The following IGF1R variants were observed in gnomAD, a reference collection of about 807,000 sequenced individuals.
The protein encoded by IGF1R is insulin-like growth factor 1 receptor.
A neutral mutation model predicts 144.6 loss-of-function variants in IGF1R; 44 were observed. The ratio of observed to expected loss-of-function variants is 0.30; its 90% confidence interval spans 0.24 to 0.39. The LOEUF is 0.39. Among genes scored for constraint, IGF1R ranks in the 10% least tolerant of loss-of-function variants. The probability of loss-of-function intolerance (pLI) is 1.00; values close to 1 mark genes in which losing one functional copy is unlikely to be tolerated. For missense variants in IGF1R, 1,355 were observed against 1,833.7 expected (o/e 0.74, Z 4.77); for synonymous variants, 795 against 722.8 (o/e 1.10, Z -1.60).
intron 4 of IGF1R, chr15:98,897,430 A>G (rs142492151): frequency 6.0e-6 from 1 of 167,672 alleles, no homozygotes; most frequent in East Asian, 1.7e-4. Context: ...CATTGTGTAC[A>G]TAAAGTTTCG....
In IGF1R at chr15:98,964,146, C is replaced by T; in HGVS notation, c.*6704C>T. On this transcript the variant is annotated 3_prime_UTR_variant, in exon 21 of 21. Transcript: ENST00000650285. ...TTGTCTGGGATAAAAAAAATCAAAC[C>T]AGAAGGCGGGATGGAATGGATGCAC... 1 of 232,590 alleles carries T rather than the reference C, an allele frequency of 4.3e-6. No individual in the cohort carries two copies. The highest frequency in any genetic ancestry group is 8.5e-6 in the Non-Finnish European group (1 of 117,596). The allele number at this position is 232,590 out of a possible 1,614,324, so 14.4% of individuals were successfully genotyped here. A position where few individuals can be genotyped will look rare whatever the true frequency, so the allele number is the denominator to read the frequency against.
intron 2 of IGF1R, among the ~76,000 whole-genome samples, chr15:98,862,064 G>A (rs1395715425): frequency 6.6e-6 from 1 of 152,140 alleles, no homozygotes; most frequent in Non-Finnish European, 1.5e-5. Context: ...TCTTTTTATT[G>A]CCTTCCCTAC....
intron 18 of IGF1R, among the ~76,000 whole-genome samples, chr15:98,942,005 G>A (rs1035776276): frequency 1.3e-5 from 2 of 152,192 alleles, no homozygotes; most frequent in African/African-American, 4.8e-5. Context: ...CATGGAAAAT[G>A]GAAGAAATTT....
At chr15:98,954,658 CAG>C (rs2016909029) in intron 20 of IGF1R, among the ~76,000 whole-genome samples, 1 of 152,166 alleles carries the variant, frequency 6.6e-6, no homozygotes, top group Non-Finnish European at 1.5e-5. Flanking sequence ...TCCCTGGCCA[CAG>C]GGCACAGAGC....
chr15:98,820,631 C>T (rs1567145346), intron 2 of IGF1R, among the ~76,000 whole-genome samples: 1 of 152,188 alleles, frequency 6.6e-6, no homozygotes, highest in Non-Finnish European at 1.5e-5. Context: ...TACTTAAATA[C>T]CTACAGCCTT....
chr15:98,914,029 A>G (rs2015134365), intron 8 of IGF1R, among the ~76,000 whole-genome samples: 1 of 152,262 alleles, frequency 6.6e-6, no homozygotes, highest in Non-Finnish European at 1.5e-5. Flanking sequence ...CACAAAGTGC[A>G]AGATCAAGGC....
In IGF1R at chr15:98,704,297, T is replaced by C. The variant is rs2053808336; in HGVS notation, c.95-3265T>C. Among the ~76,000 whole-genome samples the C allele has an allele frequency of 6.6e-6, 1 of 152,060 alleles. No homozygotes were observed. On this transcript the variant is annotated intron_variant, in intron 1 of 20. Coordinates refer to ENST00000650285, the MANE Select transcript of IGF1R (RefSeq NM_000875.5). The surrounding 1 kb of genome is among the most constrained non-coding windows in gnomAD (Gnocchi z 4.9). ...GGACAGTTGGGGGAATAGTTGAAGC[T>C]AAGGTGTTTAGGCAGAGCTCTGAGG...
chr15:98,801,107 C>T (rs1236386569), intron 2 of IGF1R, among the ~76,000 whole-genome samples: 2 of 152,132 alleles, frequency 1.3e-5, no homozygotes, highest in Admixed American at 6.5e-5. Flanking sequence ...GCTTACTTCT[C>T]CCTCCCAGCA....
At chr15:98,945,367 A>C (rs935450181) in intron 19 of IGF1R, among the ~76,000 whole-genome samples, 12 of 152,156 alleles carry the variant, frequency 7.9e-5, no homozygotes, top group African/African-American at 2.9e-4. Context: ...GGTGTGGGGA[A>C]GTATAGTTAC....
chr15:98,733,596 G>C (rs1334072216), intron 2 of IGF1R, among the ~76,000 whole-genome samples: 7 of 151,900 alleles, frequency 4.6e-5, no homozygotes, highest in African/African-American at 1.7e-4. Context: ...ATGGCCCCCA[G>C]CATAGTCATT....
intron 2 of IGF1R, among the ~76,000 whole-genome samples, chr15:98,714,553 G>A (rs2054069991): frequency 6.6e-6 from 1 of 152,070 alleles, no homozygotes; most frequent in African/African-American, 2.4e-5. Context: ...GGCTGAGATG[G>A]GAGGATCCGC....
chr15:98,655,460 G>T (rs543534445), intron 1 of IGF1R, among the ~76,000 whole-genome samples: 22 of 152,080 alleles, frequency 1.4e-4, no homozygotes, highest in African/African-American at 5.3e-4. Flanking sequence ...AGGAAAAACT[G>T]ATATTTCCTT....
At chr15:98,798,535 G>C (rs893212140) in intron 2 of IGF1R, among the ~76,000 whole-genome samples, 2 of 152,204 alleles carry the variant, frequency 1.3e-5, no homozygotes, top group African/African-American at 4.8e-5. Flanking sequence ...AGTAGGAGTA[G>C]GCTGTTGCCC....
At chr15:98,916,363 G>GCATT in intron 9 of IGF1R, 1 of 555,880 alleles carries the variant, frequency 1.8e-6, no homozygotes, top group Non-Finnish European at 3.2e-6. Flanking sequence ...CCAGGTTCAA[G>GCATT]CATTTCTCAT....
intron 1 of IGF1R, among the ~76,000 whole-genome samples, chr15:98,653,808 A>G (rs913603987): frequency 6.6e-6 from 1 of 152,236 alleles, no homozygotes; most frequent in Non-Finnish European, 1.5e-5. Flanking sequence ...CAGGGCAGTA[A>G]TGAAAATCAA....
At chr15:98,815,530 A>G (rs1260024586) in intron 2 of IGF1R, among the ~76,000 whole-genome samples, 1 of 152,192 alleles carries the variant, frequency 6.6e-6, no homozygotes, top group Admixed American at 6.5e-5. Context: ...ATGGCATCCT[A>G]TTGCAATTAT....
At chr15:98,804,412 T>C (rs1354696915) in intron 2 of IGF1R, among the ~76,000 whole-genome samples, 1 of 152,192 alleles carries the variant, frequency 6.6e-6, no homozygotes, top group African/African-American at 2.4e-5. Context: ...AGGCAAGGAA[T>C]TTAGGAGGCA....
rs1415522466 is a variant in IGF1R, at chr15:98,649,509, T to A, written c.-73T>A. 2.8e-6 allele frequency: 3 copies of A among 1,053,838 alleles called. No homozygotes were observed. The highest frequency in any genetic ancestry group is 4.2e-6 in the Non-Finnish European group (3 of 713,068). The allele number at this position is 1,053,838 out of a possible 1,614,324, so 65.3% of individuals were successfully genotyped here. ...TGAGACTTGTTTCCTTTCATTTCCTTTTTTTCTTTTCTTTTCTTTTTTTTT... is the reference window on the plus strand; with the variant it reads ...TGAGACTTGTTTCCTTTCATTTCCTATTTTTCTTTTCTTTTCTTTTTTTTT... On this transcript the variant is annotated 5_prime_UTR_variant, in exon 1 of 21. Transcript: ENST00000650285.
intron 2 of IGF1R, among the ~76,000 whole-genome samples, chr15:98,815,761 G>A (rs2056684061): frequency 6.6e-6 from 1 of 152,176 alleles, no homozygotes; most frequent in South Asian, 2.1e-4. Context: ...TTTGGCTAGA[G>A]AAGGAACAAT....
Sources: gnomAD v4.1 joint callset for allele counts (sites outside exome capture counted in the v4.1 genomes callset) on GRCh38, gnomAD v4.1.1 for gene constraint, Gnocchi (gnomAD v3.1) non-coding constraint, MANE v1.5 for transcripts, NCBI Gene and HGNC (gene_info 2026-07-23, HGNC 2026-07-21) for gene names.